The following FAM151B variants were observed in gnomAD, a reference collection of about 807,000 sequenced individuals.
The protein encoded by FAM151B is protein FAM151B.
Under a neutral mutation model 31.2 loss-of-function variants are expected in FAM151B, and 24 were observed. The ratio of observed to expected loss-of-function variants is 0.77; its 90% CI spans 0.56 to 1.08. The LOEUF (loss-of-function observed/expected upper bound fraction) is 1.08, where lower values mean the gene tolerates loss of function less well. Ranked by LOEUF, FAM151B falls within the 50% of genes least tolerant of loss-of-function variation. The pLI is 0.00. For synonymous variants in FAM151B, 105 were observed against 111.4 expected, an observed-to-expected ratio of 0.94 and a Z score of 0.36; for missense variants, 293 against 328.6, an observed-to-expected ratio of 0.89 and a Z score of 0.84.
chr5:80,515,052 C>T (rs932656007), intron 3 of FAM151B, among the ~76,000 whole-genome samples: 3 of 151,936 alleles, frequency 2.0e-5, no homozygotes, highest in African/African-American at 7.3e-5. Context: ...CCAGCCTGGC[C>T]AACATGGTGA....
intron 1 of FAM151B, among the ~76,000 whole-genome samples, chr5:80,488,692 G>A (rs1308810357): frequency 1.3e-5 from 2 of 152,220 alleles, no homozygotes; most frequent in Non-Finnish European, 2.9e-5. Context: ...AACTTAAGTA[G>A]TGGCATGAGA....
chr5:80,488,481 G>A (rs559947026), intron 1 of FAM151B, among the ~76,000 whole-genome samples: 1 of 152,392 alleles, frequency 6.6e-6, no homozygotes, highest in Admixed American at 6.5e-5. Flanking sequence ...TATGGGGGCG[G>A]TCTGGGTCAG....
intron 1 of FAM151B, among the ~76,000 whole-genome samples, chr5:80,490,598 A>G (rs770164311): frequency 2.0e-5 from 3 of 152,172 alleles, no homozygotes; most frequent in Admixed American, 6.5e-5. Flanking sequence ...CACAACTGCT[A>G]TTCTTCTATT....
intron 2 of FAM151B, chr5:80,505,919 G>A: frequency 5.6e-6 from 1 of 179,558 alleles, no homozygotes; most frequent in South Asian, 1.2e-4. Context: ...ACCACACCCG[G>A]CTAATTTTTT....
chr5:80,522,954 T>C (rs1449006486), intron 5 of FAM151B, among the ~76,000 whole-genome samples: 1 of 152,092 alleles, frequency 6.6e-6, no homozygotes, highest in Non-Finnish European at 1.5e-5. Flanking sequence ...TGGAACTTAG[T>C]GTAGAAACAA....
chr5:80,489,378 A>G (rs1385979970), intron 1 of FAM151B, among the ~76,000 whole-genome samples: 1 of 152,044 alleles, frequency 6.6e-6, no homozygotes, highest in Non-Finnish European at 1.5e-5. Context: ...TCCGTAGAAC[A>G]TTTTTTCAGA....
intron 4 of FAM151B, among the ~76,000 whole-genome samples, chr5:80,520,537 C>T (rs540425650): frequency 6.6e-6 from 1 of 150,528 alleles, no homozygotes; most frequent in South Asian, 2.1e-4. Context: ...CTCAGCTACT[C>T]GGGAGGCTGA....
In FAM151B at chr5:80,535,025, C is replaced by T. The variant is rs192349451; in HGVS notation, c.672-6648C>T. ...TTAGAATAGCCACAATTAAAATTAA[C>T]TACCTAGGAATTAACCAAAGAAGTG... is the stretch of plus-strand genomic sequence containing the variant. On this transcript the variant is annotated intron_variant, in intron 5 of 5. Coordinates refer to ENST00000282226, the MANE Select transcript of FAM151B (RefSeq NM_205548.3). 1.8e-3 allele frequency among the ~76,000 whole-genome samples: 270 copies of T among 152,174 alleles called. 1 individual carries two copies. The highest frequency in any genetic ancestry group is 4.8e-3 in the South Asian group (23 of 4,824).
chr5:80,491,010 T>A (rs1743313410), intron 1 of FAM151B, among the ~76,000 whole-genome samples: 1 of 152,188 alleles, frequency 6.6e-6, no homozygotes, highest in Non-Finnish European at 1.5e-5. Context: ...CTTTCTTTTT[T>A]AATTTTATTT....
chr5:80,491,035 A>G (rs1743314027), intron 1 of FAM151B, among the ~76,000 whole-genome samples: 1 of 152,162 alleles, frequency 6.6e-6, no homozygotes, highest in Admixed American at 6.5e-5. Context: ...TTGACAAATA[A>G]TAATTGCATA....
chr5:80,540,175 G>A (rs1442071015), intron 5 of FAM151B, among the ~76,000 whole-genome samples: 2 of 152,008 alleles, frequency 1.3e-5, no homozygotes, highest in African/African-American at 2.4e-5. Flanking sequence ...CCAAGAACAT[G>A]CATTGAATTT....
chr5:80,503,251 C>G (rs1743815442), intron 2 of FAM151B, among the ~76,000 whole-genome samples: 1 of 152,058 alleles, frequency 6.6e-6, no homozygotes, highest in Non-Finnish European at 1.5e-5. Context: ...GATAAATGAT[C>G]ATAATAAATA....
chr5:80,494,337 G>C (rs892511891), intron 1 of FAM151B, among the ~76,000 whole-genome samples: 62 of 152,272 alleles, frequency 4.1e-4, no homozygotes, highest in African/African-American at 1.4e-3. Context: ...GAAGCAGCAG[G>C]TGCTAATGGA....
At chr5:80,516,228 G>A (rs908143630) in intron 3 of FAM151B, among the ~76,000 whole-genome samples, 2 of 152,102 alleles carry the variant, frequency 1.3e-5, no homozygotes, top group East Asian at 1.9e-4. Flanking sequence ...GAAGGCTGAG[G>A]CAGGAGAATC....
At position 80,509,084 on chromosome 5, in the gene FAM151B, C is replaced by T. The variant is rs867435748; in HGVS notation, c.152-4520C>T. 5.3e-5 allele frequency among the ~76,000 whole-genome samples: 8 copies of T among 152,254 alleles called. No homozygotes were observed. The Middle Eastern group carries it at 0.024, about 453-fold the overall frequency. On this transcript the variant is annotated intron_variant, in intron 2 of 5. Transcript: ENST00000282226. ...GACCTCTTAGGCTTAAGCGATTCTC[C>T]CTCCTCAGCCTTCTAAGTAGCTGGG...
chr5:80,540,340 A>C (rs1046862583), intron 5 of FAM151B, among the ~76,000 whole-genome samples: 2 of 152,100 alleles, frequency 1.3e-5, no homozygotes, highest in Non-Finnish European at 2.9e-5. Context: ...GCCATGTTTT[A>C]TTTATTTGTT....
chr5:80,518,780 G>A (rs1393669282), intron 3 of FAM151B: 1 of 152,158 alleles, frequency 6.6e-6, no homozygotes, highest in Non-Finnish European at 1.5e-5. Flanking sequence ...AGGCCCAAAA[G>A]GAGTGGAGAC....
chr5:80,525,868 C>T (rs1017690949), intron 5 of FAM151B, among the ~76,000 whole-genome samples: 19 of 86,914 alleles, frequency 2.2e-4, no homozygotes, highest in South Asian at 7.3e-4. Context: ...GAAACAGTGC[C>T]TGTATGCATA....
chr5:80,524,348 C>T (rs1180197943), intron 5 of FAM151B, among the ~76,000 whole-genome samples: 1 of 151,930 alleles, frequency 6.6e-6, no homozygotes, highest in Non-Finnish European at 1.5e-5. Flanking sequence ...GATAAGAGCA[C>T]CTAAAATCTA....
Sources: gnomAD v4.1 joint callset for allele counts (sites outside exome capture counted in the v4.1 genomes callset) on GRCh38, gnomAD v4.1.1 for gene constraint, MANE v1.5 for transcripts, NCBI Gene and HGNC (gene_info 2026-07-23, HGNC 2026-07-21) for gene names.